Variants in CTNNA3 observed in about 807,000 individuals in gnomAD.
CTNNA3 encodes catenin alpha-3.
Under a neutral mutation model 95.7 loss-of-function variants are expected in CTNNA3, and 76 were observed. That is an observed-to-expected ratio of 0.79 (90% CI 0.66 to 0.96). The LOEUF (loss-of-function observed/expected upper bound fraction) is 0.96. Among genes scored for constraint, CTNNA3 ranks in the 40% least tolerant of loss-of-function variants. The pLI, the probability that CTNNA3 is intolerant of heterozygous loss-of-function variation, is 0.00. For missense variants in CTNNA3, 1,191 were observed against 1,089.8 expected, an observed-to-expected ratio of 1.09 and a Z score of -1.31; for synonymous variants, 431 against 374.4, an observed-to-expected ratio of 1.15 and a Z score of -1.74.
intron 10 of CTNNA3, among the ~76,000 whole-genome samples, chr10:66,535,445 T>C (rs7086571): frequency 0.071 from 10,851 of 152,198 alleles, 1,225 homozygotes; most frequent in African/African-American, 0.24. Context: ...GGAGTTGGAC[T>C]ATGTAAATTA....
chr10:66,095,279 C>A (rs191204425), intron 14 of CTNNA3, among the ~76,000 whole-genome samples: 1 of 151,992 alleles, frequency 6.6e-6, no homozygotes, highest in African/African-American at 2.4e-5. Context: ...GAAAAGGAAA[C>A]CATGAAAAAT....
chr10:66,319,135 C>T (rs1001401095), intron 12 of CTNNA3, among the ~76,000 whole-genome samples: 2 of 151,954 alleles, frequency 1.3e-5, no homozygotes, highest in Admixed American at 1.3e-4. Context: ...GATATCACAA[C>T]TATAAATGGG....
intron 3 of CTNNA3, among the ~76,000 whole-genome samples, chr10:67,567,500 T>C (rs774959479): frequency 1.3e-5 from 2 of 152,090 alleles, no homozygotes; most frequent in Non-Finnish European, 2.9e-5. Context: ...GTACGTTACT[T>C]GGGTGATGAA....
intron 11 of CTNNA3, among the ~76,000 whole-genome samples, chr10:66,398,776 A>C (rs1440082542): frequency 6.6e-6 from 1 of 152,004 alleles, no homozygotes. Flanking sequence ...AAATGCAAAG[A>C]GTGCAGTTAG....
chr10:66,524,740 C>G (rs1316748879), intron 10 of CTNNA3, among the ~76,000 whole-genome samples: 1 of 151,862 alleles, frequency 6.6e-6, no homozygotes, highest in East Asian at 1.9e-4. Flanking sequence ...TAGACTGAAC[C>G]TATAATGTTT....
chr10:66,878,056 T>C (rs1171458685), intron 7 of CTNNA3, among the ~76,000 whole-genome samples: 2 of 152,084 alleles, frequency 1.3e-5, no homozygotes, highest in Non-Finnish European at 2.9e-5. Flanking sequence ...AGGCACTCGG[T>C]TTTCGGAAGT....
At chr10:67,223,421 C>G (rs191935134) in intron 5 of CTNNA3, among the ~76,000 whole-genome samples, 105 of 152,216 alleles carry the variant, frequency 6.9e-4, no homozygotes, top group Non-Finnish European at 1.0e-3. Context: ...TCAGGGATTT[C>G]TTTGGATGGA....
chr10:67,120,017 T>C (rs1311273198), intron 7 of CTNNA3, among the ~76,000 whole-genome samples: 2 of 151,872 alleles, frequency 1.3e-5, no homozygotes, highest in Admixed American at 6.6e-5. Flanking sequence ...ATAAAGAGAT[T>C]TGTCATGGTA....
intron 10 of CTNNA3, among the ~76,000 whole-genome samples, chr10:66,576,885 C>A (rs1362586476): frequency 6.6e-6 from 1 of 151,502 alleles, no homozygotes; most frequent in Admixed American, 6.6e-5. Context: ...AGTTCTGTTT[C>A]AAGTTCTTTG....
intron 5 of CTNNA3, among the ~76,000 whole-genome samples, chr10:67,366,443 C>T (rs1843221711): frequency 6.6e-6 from 1 of 151,820 alleles, no homozygotes; most frequent in Admixed American, 6.6e-5. Flanking sequence ...GAGTTCGAGG[C>T]CAGCCTGGCC....
chr10:67,732,911 C>A (rs35265132), intron 1 of CTNNA3, among the ~76,000 whole-genome samples: 3 of 118,272 alleles, frequency 2.5e-5, no homozygotes, highest in African/African-American at 8.0e-5. Context: ...CACACACACA[C>A]ATTCTCTCTC....
At chr10:66,338,296 G>A (rs116958856) in intron 12 of CTNNA3, among the ~76,000 whole-genome samples, 7,093 of 151,976 alleles carry the variant, frequency 0.047, 263 homozygotes, top group Non-Finnish European at 0.062. Context: ...GGGCCTGGAG[G>A]TCGGAAGGAT....
upstream of CTNNA3, among the ~76,000 whole-genome samples, chr10:67,697,606 G>T (rs899758229): frequency 1.3e-5 from 2 of 152,080 alleles, no homozygotes; most frequent in Admixed American, 1.3e-4. Flanking sequence ...TGAATTAAAT[G>T]GATAAAAGCT....
chr10:66,774,559 C>T (rs1840218301), intron 8 of CTNNA3, among the ~76,000 whole-genome samples: 1 of 42,958 alleles, frequency 2.3e-5, no homozygotes, highest in African/African-American at 1.6e-4. Context: ...TATTAACTGG[C>T]TGGAGATCTC....
intron 6 of CTNNA3, among the ~76,000 whole-genome samples, chr10:67,206,993 T>G (rs1325907250): frequency 2.6e-5 from 4 of 151,904 alleles, no homozygotes; most frequent in Non-Finnish European, 5.9e-5. Context: ...TAGCTGGGCG[T>G]GGTGGCAGGC....
intron 13 of CTNNA3, among the ~76,000 whole-genome samples, chr10:66,258,879 C>A (rs1205029084): frequency 6.6e-6 from 1 of 152,130 alleles, no homozygotes; most frequent in Admixed American, 6.5e-5. Context: ...TTCCACTTCT[C>A]TTTTCTGTAC....
At chr10:67,407,523 T>G (rs1845182507) in intron 5 of CTNNA3, among the ~76,000 whole-genome samples, 1 of 152,174 alleles carries the variant, frequency 6.6e-6, no homozygotes, top group Non-Finnish European at 1.5e-5. Context: ...GGATGCCCTC[T>G]CTTACCACTC....
At chr10:67,313,415 G>C (rs145327495) in intron 5 of CTNNA3, among the ~76,000 whole-genome samples, 1 of 150,982 alleles carries the variant, frequency 6.6e-6, no homozygotes, top group East Asian at 1.9e-4. Flanking sequence ...CTGGGCGACA[G>C]AGCGAGAATC....
chr10:66,341,960 T>G (rs576944527), intron 12 of CTNNA3, among the ~76,000 whole-genome samples: 1 of 151,744 alleles, frequency 6.6e-6, no homozygotes, highest in African/African-American at 2.4e-5. Context: ...TGTGTGTGTG[T>G]GTATATATAT....
Sources: gnomAD v4.1 joint callset for allele counts (sites outside exome capture counted in the v4.1 genomes callset) on GRCh38, gnomAD v4.1.1 for gene constraint, MANE v1.5 for transcripts, NCBI Gene and HGNC (gene_info 2026-07-23, HGNC 2026-07-21) for gene names.